Variants in SLC44A1 observed in about 807,000 individuals in gnomAD.
The protein encoded by SLC44A1 is choline transporter-like protein 1.
Under a neutral mutation model 79.3 loss-of-function variants are expected in SLC44A1, and 26 were observed. That is an observed-to-expected ratio of 0.33 (90% CI 0.24 to 0.46). The LOEUF (loss-of-function observed/expected upper bound fraction) is 0.46. SLC44A1 is among the 20% of genes least tolerant of loss of function. The pLI is 1.00. For missense variants in SLC44A1, 688 were observed against 798.1 expected (o/e 0.86, Z 1.66); for synonymous variants, 263 against 286.2 (o/e 0.92, Z 0.82).
At chr9:105,398,948 C>T (rs1355171554), downstream of SLC44A1, among the ~76,000 whole-genome samples, 1 of 152,112 alleles carries the variant, frequency 6.6e-6, no homozygotes, top group African/African-American at 2.4e-5. Context: ...AAAAAAAAAT[C>T]GCACACACAA....
chr9:105,369,046 A>G (rs1828024848), intron 12 of SLC44A1, among the ~76,000 whole-genome samples: 1 of 149,026 alleles, frequency 6.7e-6, no homozygotes. Flanking sequence ...AAGAAAAAAG[A>G]AAGAAAGCCT....
intron 15 of SLC44A1, among the ~76,000 whole-genome samples, chr9:105,406,740 T>C (rs551085260): frequency 6.6e-6 from 1 of 152,268 alleles, no homozygotes; most frequent in South Asian, 2.1e-4. Context: ...AGACTTCATC[T>C]CTTTAAAAAA....
chr9:105,435,939 TG>T (rs1829458632), intron 15 of SLC44A1, among the ~76,000 whole-genome samples: 1 of 152,270 alleles, frequency 6.6e-6, no homozygotes, highest in African/African-American at 2.4e-5. Context: ...GGCTCACGCC[TG>T]TAATCTCAAC....
chr9:105,367,754 C>T (rs1827984202), intron 12 of SLC44A1, among the ~76,000 whole-genome samples: 2 of 152,056 alleles, frequency 1.3e-5, no homozygotes, highest in Non-Finnish European at 2.9e-5. Context: ...TCCAAGAAGC[C>T]ATCCCTCTTC....
intron 12 of SLC44A1, among the ~76,000 whole-genome samples, chr9:105,373,770 G>A (rs931170321): frequency 2.6e-5 from 4 of 152,128 alleles, no homozygotes; most frequent in African/African-American, 9.7e-5. Flanking sequence ...TTATGTTAGC[G>A]AAACAGCTAT....
At chr9:105,309,382 G>A (rs980873318) in intron 2 of SLC44A1, among the ~76,000 whole-genome samples, 5 of 152,220 alleles carry the variant, frequency 3.3e-5, no homozygotes, top group Admixed American at 1.3e-4. Context: ...TAGAGATAAC[G>A]TACTACAAGC....
intron 15 of SLC44A1, among the ~76,000 whole-genome samples, chr9:105,424,808 G>A (rs7018586): frequency 0.043 from 6,487 of 151,896 alleles, 452 homozygotes; most frequent in African/African-American, 0.15. Context: ...TTAGCCAGGC[G>A]TGATGGTGCA....
At chr9:105,408,100 GC>G (rs1829051317) in intron 15 of SLC44A1, among the ~76,000 whole-genome samples, 1 of 152,074 alleles carries the variant, frequency 6.6e-6, no homozygotes, top group South Asian at 2.1e-4. Flanking sequence ...GCTGCTGTGA[GC>G]CGAGATCTCG....
chr9:105,330,534 A>T (rs1214846596), intron 3 of SLC44A1, among the ~76,000 whole-genome samples: 1 of 152,166 alleles, frequency 6.6e-6, no homozygotes, highest in African/African-American at 2.4e-5. Flanking sequence ...ATTCATTTTA[A>T]TCTTGCTCTG....
intron 15 of SLC44A1, 189 bp downstream of exon 15, chr9:105,385,691 A>G: frequency 2.0e-6 from 2 of 985,412 alleles, no homozygotes; most frequent in Non-Finnish European, 2.4e-6. Flanking sequence ...AACTGAGACC[A>G]CCTTCTATAA....
In SLC44A1 at chr9:105,356,295, T is replaced by G; in HGVS notation, c.584T>G (p.Val195Gly). 6.2e-7 allele frequency: 1 copy of G among 1,612,954 alleles called. No individual in the cohort carries two copies. Among genetic ancestry groups the G allele is most frequent in the Non-Finnish European group, 8.5e-7 (1 of 1,178,902 alleles). Residue 195 changes from valine to glycine, a missense_variant, in exon 6 of 16, where the codon GTC becomes GGC. Val to Gly is a moderately radical substitution (Grantham distance 109). Transcript: ENST00000374720. Reference protein sequence around the residue: ...AKFAEALITFVSDNSVLHRLI... With the variant: ...AKFAEALITFGSDNSVLHRLI... The stretch of plus-strand genomic sequence containing the variant: ...TTTGCAGAGGCCCTGATCACCTTTG[T>G]CAGTGACAATAGTGTCTTACACAGG...
chr9:105,341,003 T>C (rs1588801985), intron 4 of SLC44A1, among the ~76,000 whole-genome samples: 1 of 152,100 alleles, frequency 6.6e-6, no homozygotes, highest in Admixed American at 6.6e-5. Context: ...GATGCTGTCA[T>C]ATTACAAAGG....
At chr9:105,370,093 G>A (rs1330345853) in intron 12 of SLC44A1, among the ~76,000 whole-genome samples, 1 of 152,210 alleles carries the variant, frequency 6.6e-6, no homozygotes. Flanking sequence ...AAGGAAGGCT[G>A]TCTGAGAAGG....
chr9:105,302,357 CTTTTCTTTTTTTTT>C (rs1830902001), intron 2 of SLC44A1, among the ~76,000 whole-genome samples: 1 of 151,188 alleles, frequency 6.6e-6, no homozygotes, highest in Non-Finnish European at 1.5e-5. Flanking sequence ...TCTTTTTTTT[CTTTTCTTTTTTTTT>C]GAGACAGAGT....
chr9:105,417,888 G>C (rs886555321), intron 15 of SLC44A1, among the ~76,000 whole-genome samples: 4 of 150,260 alleles, frequency 2.7e-5, no homozygotes, highest in African/African-American at 9.8e-5. Context: ...ATGGTGGCAT[G>C]TGCCTATAGT....
chr9:105,425,400 A>G (rs769033732), intron 15 of SLC44A1, among the ~76,000 whole-genome samples: 18 of 152,234 alleles, frequency 1.2e-4, no homozygotes, highest in Non-Finnish European at 1.9e-4. Context: ...ACAAAATACT[A>G]TGAGAGAAAA....
chr9:105,413,432 C>T (rs748621863), intron 15 of SLC44A1, among the ~76,000 whole-genome samples: 2 of 152,184 alleles, frequency 1.3e-5, no homozygotes, highest in Non-Finnish European at 2.9e-5. Context: ...TGGTTTTCCC[C>T]TTCTCTGGCC....
At position 105,390,009 on chromosome 9, in the gene SLC44A1, G is replaced by C; in HGVS notation, c.*953G>C. On this transcript the variant is annotated 3_prime_UTR_variant, in exon 16 of 16. Coordinates refer to ENST00000374720, the MANE Select transcript of SLC44A1 (RefSeq NM_080546.5). ...GCTTCAGAGTAACGTCAGTGGCTTA[G>C]GGTTAAACGGCCATTTTATTCAAAT... 1 of 1,388,142 alleles carries C rather than the reference G, an allele frequency of 7.2e-7. No homozygotes were observed. Among genetic ancestry groups the C allele is most frequent in the Non-Finnish European group, 9.4e-7 (1 of 1,068,106 alleles). The allele number at this position is 1,388,142 out of a possible 1,614,324, so 86.0% of individuals were successfully genotyped here.
At chr9:105,299,125 A>C in intron 1 of SLC44A1, 95 bp from the exon 2 acceptor site, 1 of 849,916 alleles carries the variant, frequency 1.2e-6, no homozygotes, top group Non-Finnish European at 1.8e-6. Flanking sequence ...CTTGTTTGGC[A>C]AAGAAGGGCT....
Sources: gnomAD v4.1 joint callset for allele counts (sites outside exome capture counted in the v4.1 genomes callset) on GRCh38, gnomAD v4.1.1 for gene constraint, MANE v1.5 for transcripts, NCBI Gene and HGNC (gene_info 2026-07-23, HGNC 2026-07-21) for gene names.